CCAR2: variants seen among roughly 807,000 people sequenced by gnomAD.
The protein encoded by CCAR2 is cell cycle and apoptosis regulator 2.
A neutral mutation model predicts 108.1 loss-of-function variants in CCAR2; 21 were observed. That is an observed-to-expected ratio of 0.19 (90% confidence interval 0.14 to 0.28). The LOEUF (loss-of-function observed/expected upper bound fraction) is 0.28, where lower values mean the gene tolerates loss of function less well. CCAR2 is among the 10% of genes least tolerant of loss of function. The pLI is 1.00. For synonymous variants in CCAR2, 577 were observed against 472.8 expected (o/e 1.22, Z -2.86); for missense variants, 1,126 against 1,177.0 (o/e 0.96, Z 0.63).
At chr8:22,618,541 T>TA (rs760112118) in intron 17 of CCAR2, 46 bp downstream of exon 17, 2 of 1,614,080 alleles carry the variant, frequency 1.2e-6, no homozygotes, top group East Asian at 2.2e-5. Flanking sequence ...GGCCTGCACT[T>TA]ACTCCTGCTC....
chr8:22,606,602 T>C lies in CCAR2; in HGVS notation c.151-5T>C, dbSNP rs1381789659. ...TTACTTTTCAGCTGTCTCCTTCTCT[T>C]ACAGGGTGGGGAGAAACAGCGGGTC... On this transcript the variant is annotated splice_polypyrimidine_tract_variant and splice_region_variant and intron_variant, in intron 3 of 20. Transcript: ENST00000308511. The C allele has an allele frequency of 1.2e-6, 2 of 1,612,218 alleles. No homozygotes were observed.
At chr8:22,607,413 G>C in intron 6 of CCAR2, 88 bp downstream of exon 6, 2 of 1,527,730 alleles carry the variant, frequency 1.3e-6, no homozygotes, top group Non-Finnish European at 1.8e-6. Context: ...TAGCATAGAG[G>C]TGGGTACTTC....
chr8:22,618,793 T>G (rs768428332), intron 18 of CCAR2, 34 bp from the exon 19 acceptor site: 1 of 1,613,136 alleles, frequency 6.2e-7, no homozygotes, highest in East Asian at 2.2e-5. Flanking sequence ...CTCTGGAGAC[T>G]CCATCCTGAA....
In CCAR2 at chr8:22,619,623, ATC is replaced by A. The variant is rs36011918; in HGVS notation, c.2728-13_2728-12del. 1.9e-6 allele frequency: 3 copies of A among 1,544,530 alleles called. No individual in the cohort carries two copies. Among genetic ancestry groups the A allele is most frequent in the South Asian group, 1.2e-5 (1 of 84,428 alleles). On this transcript the variant is annotated splice_polypyrimidine_tract_variant and intron_variant, in intron 20 of 20. Transcript: ENST00000308511. The stretch of plus-strand genomic sequence containing the variant: ...TGCCAGGCCCGATTCTGGGTACATC[ATC>A]TGTTTCAAACAGGCTGACAGCTGGG...
chr8:22,611,656 T>C (rs1459009524), intron 7 of CCAR2, among the ~76,000 whole-genome samples: 1 of 152,212 alleles, frequency 6.6e-6, no homozygotes, highest in East Asian at 1.9e-4. Flanking sequence ...CAGTTCAAAT[T>C]ATTTTTGTGT....
At chr8:22,612,194 A>C in intron 7 of CCAR2, among the ~76,000 whole-genome samples, 1 of 151,952 alleles carries the variant, frequency 6.6e-6, no homozygotes, top group Non-Finnish European at 1.5e-5. Context: ...TGATCCGCCC[A>C]CTTCGGCCTC....
Position 22,614,826 on chromosome 8 carries a change from CTCT to C in CCAR2, c.1042-7_1042-5del, listed in dbSNP as rs769710953. The C allele has an allele frequency of 1.1e-5, 17 of 1,612,794 alleles. No homozygotes were observed. The highest frequency in any genetic ancestry group is 1.3e-5 in the Non-Finnish European group (15 of 1,179,684). ...TAGTTTTTTGTTTTGTATCCCTGAT[CTCT>C]TCTTGCAGTTTTTGCTGGGCAGGAA... is the stretch of plus-strand genomic sequence containing the variant. On this transcript the variant is annotated splice_polypyrimidine_tract_variant and intron_variant, in intron 10 of 20. Transcript: ENST00000308511.
chr8:22,616,159 G>T lies in CCAR2; in HGVS notation c.1756G>T (p.Glu586Ter). 1 of 1,614,008 alleles carries T rather than the reference G, an allele frequency of 6.2e-7. No homozygotes were observed. Among genetic ancestry groups the T allele is most frequent in the Non-Finnish European group, 8.5e-7 (1 of 1,180,022 alleles). ...GGCGGCCAAGGAAGAAGCCACCAAG[G>T]AGGAAGAAGCCATCAAAGAGGAGGT... is the stretch of plus-strand genomic sequence containing the variant. ...EEAAKEEATKEEEAIKEEVVK... is the reference protein window; with the variant it reads ...EEAAKEEATK Residue 586 changes from glutamate (E) to a stop codon, truncating the protein, a stop_gained, in exon 14 of 21, where the codon GAG (glutamate) becomes TAG (stop). Coordinates refer to ENST00000308511, the MANE Select transcript of CCAR2 (RefSeq NM_001393997.1). LOFTEE classifies it high-confidence loss of function.
At chr8:22,608,875 G>A (rs1563908699) in intron 7 of CCAR2, among the ~76,000 whole-genome samples, 1 of 152,112 alleles carries the variant, frequency 6.6e-6, no homozygotes, top group East Asian at 1.9e-4. Context: ...CCATTACCCA[G>A]CTTCTTCAAG....
rs529674739 is a variant in CCAR2 at position 22,618,183 on chromosome 8, T to C, written c.2074-166T>C. The C allele has an allele frequency of 1.6e-4, 133 of 849,992 alleles. No homozygotes were observed. The East Asian group carries it at 2.3e-3, about 15-fold the overall frequency. The allele number at this position is 849,992 out of a possible 1,614,324, so 52.7% of individuals were successfully genotyped here. On this transcript the variant is annotated intron_variant, in intron 16 of 20. Transcript: ENST00000308511. ...ATAGTGCACTGCAGCCTCGAACTCC[T>C]GGGTTCAAGTGATTCTCCTGCCTTA...
At position 22,619,141 on chromosome 8, in the gene CCAR2, A is replaced by G. The variant is rs752468500; in HGVS notation, c.2522-9A>G. On this transcript the variant is annotated splice_polypyrimidine_tract_variant and intron_variant, in intron 19 of 20. Coordinates refer to ENST00000308511, the MANE Select transcript of CCAR2 (RefSeq NM_001393997.1). ...AGCAGCCGTCCCCGTTTCCTTCTCC[A>G]CCTTGCAGAGGAGAGCCATAACCGT... 1.2e-6 allele frequency: 2 copies of G among 1,603,296 alleles called. No homozygotes were observed. Among genetic ancestry groups the G allele is most frequent in the South Asian group, 2.2e-5 (2 of 90,420 alleles).
intron 14 of CCAR2, chr8:22,616,554 AC>A (rs911297437): frequency 3.5e-5 from 14 of 399,876 alleles, no homozygotes; most frequent in African/African-American, 2.4e-4. Flanking sequence ...GCTGTAGCTC[AC>A]CCCTGTAATC....
At chr8:22,616,314 C>G (rs1585163842) in intron 14 of CCAR2, 66 bp downstream of exon 14, 1 of 1,468,204 alleles carries the variant, frequency 6.8e-7, no homozygotes, top group East Asian at 2.3e-5. Flanking sequence ...ACCCCGGGCT[C>G]TGTTCCGAGC....
Position 22,617,033 on chromosome 8 carries a change from A to G in CCAR2, c.1846-387A>G, listed in dbSNP as rs867598360. Among the ~76,000 whole-genome samples the G allele has an allele frequency of 4.6e-5, 7 of 151,286 alleles. 1 individual carries two copies. The highest frequency in any genetic ancestry group is 1.7e-4 in the African/African-American group (7 of 41,306). Reference sequence around the variant, plus strand: ...CCAGTAGGTGGGATTACAGGCACCTACCACCATGCCCAGCTAATTTTTGTA... The same window carrying G: ...CCAGTAGGTGGGATTACAGGCACCTGCCACCATGCCCAGCTAATTTTTGTA... On this transcript the variant is annotated intron_variant, in intron 14 of 20. Coordinates refer to ENST00000308511, the MANE Select transcript of CCAR2 (RefSeq NM_001393997.1).
chr8:22,604,991 C>T (rs1563900322), intron 1 of CCAR2, 149 bp downstream of exon 1: 1 of 318,134 alleles, frequency 3.1e-6, no homozygotes, highest in Non-Finnish European at 6.1e-6. Flanking sequence ...GTCTCCCTGG[C>T]AACGGCCTCG....
In CCAR2 at chr8:22,618,850, C is replaced by CA; in HGVS notation, c.2356_2357insA (p.Pro786HisfsTer26). On this transcript the variant is annotated frameshift_variant, in exon 19 of 21. Transcript: ENST00000308511. LOFTEE classifies it high-confidence loss of function. ...AGGAAACCTGGACCTGCTGCCCCCT[C>CA]CTGGGAAAAGCACGAAGCCAGGTGC... 1 of 1,613,874 alleles carries CA rather than the reference C, an allele frequency of 6.2e-7. No homozygotes were observed. Among genetic ancestry groups the CA allele is most frequent in the Non-Finnish European group, 8.5e-7 (1 of 1,179,976 alleles).
At chr8:22,615,293 T>G in intron 11 of CCAR2, 132 bp from the exon 12 acceptor site, 1 of 1,151,420 alleles carries the variant, frequency 8.7e-7, no homozygotes, top group South Asian at 1.5e-5. Context: ...GCTTTCCTGT[T>G]GTGTCTTCAA....
Position 22,619,903 on chromosome 8 carries a change from C to CAACA in CCAR2, c.*222_*225dup, listed in dbSNP as rs1223845364. 4 of 581,988 alleles carry CAACA rather than the reference C, an allele frequency of 6.9e-6. No individual in the cohort carries two copies. Among genetic ancestry groups the CAACA allele is most frequent in the Admixed American group, 3.0e-5 (1 of 33,636 alleles). The allele number at this position is 581,988 out of a possible 1,614,324, so 36.1% of individuals were successfully genotyped here. On this transcript the variant is annotated 3_prime_UTR_variant, in exon 21 of 21. Coordinates refer to ENST00000308511, the MANE Select transcript of CCAR2 (RefSeq NM_001393997.1). ...CCCGGTTCCACTTAACAACTAAATACAACATCTTTTGCACCCCTAGAATGT... is the reference window on the plus strand; with the variant it reads ...CCCGGTTCCACTTAACAACTAAATACAACAAACATCTTTTGCACCCCTAGAATGT...
At chr8:22,605,679 G>C (rs1801045270) in intron 1 of CCAR2, 57 bp from the exon 2 acceptor site, 1 of 1,020,582 alleles carries the variant, frequency 9.8e-7, no homozygotes, top group Non-Finnish European at 1.5e-6. Context: ...CCACTTTTCC[G>C]GGTATAGATG....
Sources: gnomAD v4.1 joint callset for allele counts (sites outside exome capture counted in the v4.1 genomes callset) on GRCh38, gnomAD v4.1.1 for gene constraint, MANE v1.5 for transcripts, NCBI Gene and HGNC (gene_info 2026-07-23, HGNC 2026-07-21) for gene names.